XYLT1: variants seen among roughly 807,000 people sequenced by gnomAD.
XYLT1 encodes beta-D-xylosyltransferase 1.
In XYLT1, 36 loss-of-function variants were observed where a neutral mutation model predicts 91.3. The ratio of observed to expected loss-of-function variants is 0.39; its 90% CI spans 0.30 to 0.52. XYLT1 has a LOEUF of 0.52. XYLT1 is among the 20% of genes least tolerant of loss of function. The probability of loss-of-function intolerance (pLI) is 0.68; values close to 1 mark genes in which losing one functional copy is unlikely to be tolerated. For missense variants in XYLT1, 1,242 were observed against 1,284.5 expected, an observed-to-expected ratio of 0.97 and a Z score of 0.51; for synonymous variants, 588 against 532.0, an observed-to-expected ratio of 1.11 and a Z score of -1.45.
chr16:17,338,473 G>T (rs932413310), intron 2 of XYLT1: 13 of 456,410 alleles, frequency 2.8e-5, no homozygotes, highest in African/African-American at 2.6e-4. Context: ...GGGCTGGCTG[G>T]AAAGACTTTA....
At chr16:17,306,117 C>A (rs998272770) in intron 2 of XYLT1, among the ~76,000 whole-genome samples, 6 of 152,164 alleles carry the variant, frequency 3.9e-5, no homozygotes, top group Non-Finnish European at 7.3e-5. Flanking sequence ...GCTCTTTACC[C>A]TCCCTCTGTA....
intron 1 of XYLT1, among the ~76,000 whole-genome samples, chr16:17,400,761 G>T (rs548366746): frequency 7.9e-5 from 12 of 152,106 alleles, no homozygotes; most frequent in Non-Finnish European, 1.3e-4. Context: ...TGAAAGCCAC[G>T]AGTGAAAGAA....
In XYLT1 at chr16:17,147,848, A is replaced by G. The variant is rs16968498; in HGVS notation, c.1371-6479T>C. Among the ~76,000 whole-genome samples, 1,150 of 152,312 alleles carry G rather than the reference A, an allele frequency of 7.6e-3. 19 individuals carry two copies. The highest frequency in any genetic ancestry group is 0.026 in the African/African-American group (1,092 of 41,570). On this transcript the variant is annotated intron_variant, in intron 6 of 11. Coordinates refer to ENST00000261381, the MANE Select transcript of XYLT1 (RefSeq NM_022166.4). Reference sequence around the variant, plus strand: ...AGTGAACACCTGAGTGACTTTTTATAAAATATGGCTCACCAACAAGGGGCG... The same window carrying G: ...AGTGAACACCTGAGTGACTTTTTATGAAATATGGCTCACCAACAAGGGGCG...
rs1265239215 is a variant in XYLT1 at position 17,104,759 on chromosome 16, T to C, written c.*3936A>G. 1 of 152,236 alleles carries C rather than the reference T, an allele frequency of 6.6e-6. No homozygotes were observed. Among genetic ancestry groups the C allele is most frequent in the African/African-American group, 2.4e-5 (1 of 41,476 alleles). The allele number at this position is 152,236 out of a possible 1,614,324, so 9.4% of individuals were successfully genotyped here. A position where few individuals can be genotyped will look rare whatever the true frequency, so the allele number is the denominator to read the frequency against. ...AAGATTCCACTACACTGTGCTTACA[T>C]TTTTACAAACAATGACAGGTTGGGG... On this transcript the variant is annotated 3_prime_UTR_variant, in exon 12 of 12. Transcript: ENST00000261381.
intron 5 of XYLT1, among the ~76,000 whole-genome samples, chr16:17,160,624 C>T (rs1432635141): frequency 6.6e-6 from 1 of 152,206 alleles, no homozygotes; most frequent in African/African-American, 2.4e-5. Context: ...ACAGCACACA[C>T]ACGGAAAGCT....
At position 17,312,451 on chromosome 16, in the gene XYLT1, T is replaced by C. The variant is rs540520532; in HGVS notation, c.402+45561A>G. Reference sequence around the variant, plus strand: ...TCTCAGGGCCTTACCCGCATTAACATGTTTTTCTTTCTAACTTAAAAAAAT... The same window carrying C: ...TCTCAGGGCCTTACCCGCATTAACACGTTTTTCTTTCTAACTTAAAAAAAT... On this transcript the variant is annotated intron_variant, in intron 2 of 11. Coordinates refer to ENST00000261381, the MANE Select transcript of XYLT1 (RefSeq NM_022166.4). This position sits in a 1 kb window ranked among gnomAD's most constrained non-coding sequence, Gnocchi z 4.4. Among the ~76,000 whole-genome samples, 5 of 152,320 alleles carry C rather than the reference T, an allele frequency of 3.3e-5. No individual in the cohort carries two copies. In the South Asian group the frequency reaches 8.3e-4, roughly 25 times the overall value.
chr16:17,169,980 C>G (rs1252832973), intron 5 of XYLT1, among the ~76,000 whole-genome samples: 1 of 152,198 alleles, frequency 6.6e-6, no homozygotes, highest in East Asian at 1.9e-4. Context: ...GAGGTGTTTA[C>G]AGTAGTTTCT....
At chr16:17,466,206 G>C (rs1457594898) in intron 1 of XYLT1, among the ~76,000 whole-genome samples, 2 of 152,180 alleles carry the variant, frequency 1.3e-5, no homozygotes, top group African/African-American at 2.4e-5. Context: ...AAAGGAAAAG[G>C]AAAGAGAGAG....
intron 2 of XYLT1, among the ~76,000 whole-genome samples, chr16:17,283,486 G>GCA (rs1567355581): frequency 6.6e-6 from 1 of 152,082 alleles, no homozygotes; most frequent in Non-Finnish European, 1.5e-5. Flanking sequence ...AGGCACACAC[G>GCA]CACACACTCC....
chr16:17,375,805 G>A (rs2035593048), intron 1 of XYLT1, among the ~76,000 whole-genome samples: 2 of 152,354 alleles, frequency 1.3e-5, no homozygotes, highest in Admixed American at 1.3e-4. Context: ...TCAGATAAAG[G>A]TGGCTTCCGG....
At chr16:17,155,249 C>T (rs1743810313) in intron 6 of XYLT1, among the ~76,000 whole-genome samples, 1 of 152,306 alleles carries the variant, frequency 6.6e-6, no homozygotes, top group East Asian at 1.9e-4. Flanking sequence ...TTTTGAGTCT[C>T]AGTTCCCTTA....
At chr16:17,175,236 A>AC (rs1420526569) in intron 5 of XYLT1, among the ~76,000 whole-genome samples, 2 of 151,750 alleles carry the variant, frequency 1.3e-5, no homozygotes, top group African/African-American at 4.8e-5. Context: ...AATCCTCACA[A>AC]CCCCCCTAAA....
At chr16:17,408,156 G>A (rs1472483591) in intron 1 of XYLT1, among the ~76,000 whole-genome samples, 5 of 152,142 alleles carry the variant, frequency 3.3e-5, no homozygotes, top group South Asian at 2.1e-4. Context: ...CAAAATATAC[G>A]ATGATAGCCT....
chr16:17,434,890 A>T (rs2036436867), intron 1 of XYLT1, among the ~76,000 whole-genome samples: 1 of 152,070 alleles, frequency 6.6e-6, no homozygotes, highest in South Asian at 2.1e-4. Flanking sequence ...AAAAAGAAGA[A>T]GAAGAAGAAT....
chr16:17,273,463 G>A (rs888482900), intron 2 of XYLT1, among the ~76,000 whole-genome samples: 3 of 152,210 alleles, frequency 2.0e-5, no homozygotes, highest in African/African-American at 4.8e-5. Flanking sequence ...CGTGTTAGAT[G>A]TGCAGAATCT....
intron 2 of XYLT1, chr16:17,338,300 AT>A (rs1271277328): frequency 6.6e-6 from 3 of 456,186 alleles, no homozygotes; most frequent in Admixed American, 2.4e-5. Context: ...GTGGCTCCCC[AT>A]TACCTACACG....
intron 3 of XYLT1, among the ~76,000 whole-genome samples, chr16:17,252,012 G>A (rs2033548360): frequency 6.6e-6 from 1 of 152,126 alleles, no homozygotes; most frequent in East Asian, 1.9e-4. Context: ...GCTGCACAAT[G>A]GCTGACACCA....
At chr16:17,207,390 G>A (rs567135066) in intron 3 of XYLT1, among the ~76,000 whole-genome samples, 93 of 152,212 alleles carry the variant, frequency 6.1e-4, no homozygotes, top group Admixed American at 2.2e-3. Context: ...CTGTCAGTTC[G>A]TTCCCTATGA....
intron 3 of XYLT1, among the ~76,000 whole-genome samples, chr16:17,246,654 T>G (rs1343236993): frequency 6.6e-6 from 1 of 151,824 alleles, no homozygotes; most frequent in Non-Finnish European, 1.5e-5. Flanking sequence ...TGTGCAGGAG[T>G]CGCGATGAGA....
Sources: gnomAD v4.1 joint callset for allele counts (sites outside exome capture counted in the v4.1 genomes callset) on GRCh38, gnomAD v4.1.1 for gene constraint, Gnocchi (gnomAD v3.1) non-coding constraint, MANE v1.5 for transcripts, NCBI Gene and HGNC (gene_info 2026-07-23, HGNC 2026-07-21) for gene names.